SNX30: variants seen among roughly 807,000 people sequenced by gnomAD.
SNX30 encodes the protein sorting nexin-30.
Under a neutral mutation model 46.4 loss-of-function variants are expected in SNX30, and 24 were observed. The ratio of observed to expected loss-of-function variants is 0.52; its 90% CI spans 0.37 to 0.73. The LOEUF (loss-of-function observed/expected upper bound fraction) is 0.73, where lower values mean the gene tolerates loss of function less well. SNX30 is among the 30% of genes least tolerant of loss of function. SNX30 has a pLI of 0.00. For missense variants in SNX30, 533 were observed against 555.7 expected, an observed-to-expected ratio of 0.96 and a Z score of 0.41; for synonymous variants, 189 against 211.5, an observed-to-expected ratio of 0.89 and a Z score of 0.92.
At chr9:112,762,240 G>A (rs529493144) in intron 1 of SNX30, among the ~76,000 whole-genome samples, 4 of 132,734 alleles carry the variant, frequency 3.0e-5, no homozygotes, top group South Asian at 2.3e-4. Context: ...GTGTGTTGGT[G>A]GGGGGGAAGT....
At chr9:112,789,379 A>G (rs533294027) in intron 1 of SNX30, among the ~76,000 whole-genome samples, 1 of 152,236 alleles carries the variant, frequency 6.6e-6, no homozygotes, top group South Asian at 2.1e-4. Flanking sequence ...TGGCAAGTCT[A>G]CTTATTCTTC....
At chr9:112,850,827 T>G (rs374607240) in intron 6 of SNX30, 32 bp from the exon 7 acceptor site, 169 of 1,560,080 alleles carry the variant, frequency 1.1e-4, no homozygotes, top group Non-Finnish European at 1.4e-4. Context: ...GTGGACTCAG[T>G]GTTACATGCT....
chr9:112,827,951 C>G (rs981936650), intron 3 of SNX30, among the ~76,000 whole-genome samples: 3 of 152,164 alleles, frequency 2.0e-5, no homozygotes, highest in Admixed American at 6.5e-5. Context: ...TGCATCTGCA[C>G]GAGTGTTCAC....
chr9:112,840,745 C>T (rs143173338), intron 6 of SNX30, among the ~76,000 whole-genome samples: 2,237 of 151,226 alleles, frequency 0.015, 24 homozygotes, highest in Middle Eastern at 0.056. Context: ...TCCCAAAGTG[C>T]TGGGATTACA....
downstream of SNX30, among the ~76,000 whole-genome samples, chr9:112,884,536 C>T (rs1332017970): frequency 6.6e-6 from 1 of 152,164 alleles, no homozygotes; most frequent in African/African-American, 2.4e-5. Context: ...ATTTGAATCA[C>T]CTGGAGAGCT....
At chr9:112,858,692 C>T (rs1841175574) in intron 7 of SNX30, among the ~76,000 whole-genome samples, 1 of 152,096 alleles carries the variant, frequency 6.6e-6, no homozygotes, top group African/African-American at 2.4e-5. Context: ...GACAGCTCAC[C>T]CCAGTTCCTC....
At chr9:112,822,088 T>C (rs944193718) in intron 3 of SNX30, among the ~76,000 whole-genome samples, 2 of 152,110 alleles carry the variant, frequency 1.3e-5, no homozygotes, top group Non-Finnish European at 2.9e-5. Flanking sequence ...GGCTAATTCT[T>C]TTTTTGGTAG....
At chr9:112,868,395 C>G (rs1841394814) in intron 8 of SNX30, among the ~76,000 whole-genome samples, 1 of 152,178 alleles carries the variant, frequency 6.6e-6, no homozygotes, top group Admixed American at 6.5e-5. Context: ...TAAGCGCCAC[C>G]CACACCTGGA....
At chr9:112,816,723 AAC>A (rs1475481852) in intron 2 of SNX30, among the ~76,000 whole-genome samples, 1 of 152,214 alleles carries the variant, frequency 6.6e-6, no homozygotes, top group African/African-American at 2.4e-5. Context: ...TGTGAATTAA[AAC>A]AGACTTTTGG....
intron 3 of SNX30, among the ~76,000 whole-genome samples, chr9:112,826,312 G>A: frequency 6.6e-6 from 1 of 152,138 alleles, no homozygotes; most frequent in East Asian, 1.9e-4. Flanking sequence ...AGCTGGTTTT[G>A]CTTTGAGGGT....
intron 1 of SNX30, among the ~76,000 whole-genome samples, chr9:112,767,230 G>A (rs184321554): frequency 8.8e-4 from 133 of 151,620 alleles, no homozygotes; most frequent in African/African-American, 3.1e-3. Context: ...ACGCTTATTG[G>A]CCATTTATAT....
At position 112,795,740 on chromosome 9, in the gene SNX30, T is replaced by TCA. The variant is rs1165537364; in HGVS notation, c.157-9024_157-9023dup. On this transcript the variant is annotated intron_variant, in intron 1 of 8. Transcript: ENST00000374232. ...CCGACCTGGGGAGACAGAAAGATAATCACACACACACACTCACAGTACAGT... is the reference window on the plus strand; with the variant it reads ...CCGACCTGGGGAGACAGAAAGATAATCACACACACACACACTCACAGTACAGT... 2.3e-5 allele frequency among the ~76,000 whole-genome samples: 3 copies of TCA among 132,638 alleles called. No individual in the cohort carries two copies. In the East Asian group the frequency reaches 6.6e-4, roughly 29 times the overall value. The allele number at this position is 132,638 out of a possible 152,430, so 87.0% of individuals were successfully genotyped here.
At chr9:112,876,216 C>T (rs372974775), downstream of SNX30, among the ~76,000 whole-genome samples, 2 of 151,890 alleles carry the variant, frequency 1.3e-5, no homozygotes, top group Non-Finnish European at 2.9e-5. Flanking sequence ...TGAAAATAGC[C>T]GATTTAAGAG....
intron 1 of SNX30, among the ~76,000 whole-genome samples, chr9:112,787,801 T>G (rs1254438680): frequency 7.2e-6 from 1 of 138,862 alleles, no homozygotes; most frequent in South Asian, 2.2e-4. Flanking sequence ...GCAAGGACGC[T>G]TTTTTTTTTT....
intron 7 of SNX30, among the ~76,000 whole-genome samples, chr9:112,856,961 TG>T (rs1841141225): frequency 6.6e-6 from 1 of 152,118 alleles, no homozygotes; most frequent in Non-Finnish European, 1.5e-5. Flanking sequence ...AGGGGAAGCG[TG>T]GAACTTAAGT....
rs1417318439 is a variant in SNX30 at position 112,870,628 on chromosome 9, G to A, written c.*1785G>A. The A allele has an allele frequency of 2.0e-5, 3 of 152,278 alleles. No individual in the cohort carries two copies. Among genetic ancestry groups the A allele is most frequent in the African/African-American group, 7.2e-5 (3 of 41,472 alleles). The allele number at this position is 152,278 out of a possible 1,614,324, so 9.4% of individuals were successfully genotyped here. The stretch of plus-strand genomic sequence containing the variant: ...ATGACTCATTGATGCGGACAGGTAA[G>A]AACAACCCATGTACCCCCGAGTGAT... On this transcript the variant is annotated 3_prime_UTR_variant, in exon 9 of 9. Coordinates refer to ENST00000374232, the MANE Select transcript of SNX30 (RefSeq NM_001012994.2).
At chr9:112,832,420 A>G (rs1840673283) in intron 4 of SNX30, among the ~76,000 whole-genome samples, 2 of 145,904 alleles carry the variant, frequency 1.4e-5, no homozygotes, top group South Asian at 4.4e-4. Context: ...TGTATGAAGA[A>G]TAAGTAGGAA....
At chr9:112,860,573 G>C (rs1320272405) in intron 7 of SNX30, among the ~76,000 whole-genome samples, 1 of 152,166 alleles carries the variant, frequency 6.6e-6, no homozygotes, top group African/African-American at 2.4e-5. Flanking sequence ...TCTCCACCAG[G>C]TTGGTTTACT....
intron 1 of SNX30, among the ~76,000 whole-genome samples, chr9:112,788,378 C>CCATGTCAGATGGTAGCACAGAAA (rs1169529181): frequency 6.6e-6 from 1 of 152,110 alleles, no homozygotes; most frequent in Non-Finnish European, 1.5e-5. Context: ...GTGTGTAGTA[C>CCATGTCAGATGGTAGCACAGAAA]CATGTCAGAT....
Sources: allele counts gnomAD v4.1 joint callset (sites outside exome capture counted in the v4.1 genomes callset), GRCh38; gene constraint gnomAD v4.1.1; transcripts MANE v1.5; gene names NCBI Gene and HGNC (gene_info 2026-07-23, HGNC 2026-07-21).